The following HIVEP2 variants were observed in gnomAD, a reference collection of about 807,000 sequenced individuals.
HIVEP2 encodes the protein transcription factor HIVEP2.
A neutral mutation model predicts 180.7 loss-of-function variants in HIVEP2; 14 were observed. The ratio of observed to expected loss-of-function variants is 0.08; its 90% confidence interval spans 0.05 to 0.12. The LOEUF is 0.12. Among genes scored for constraint, HIVEP2 ranks in the 10% least tolerant of loss-of-function variants. The pLI is 1.00. For synonymous variants in HIVEP2, 1,184 were observed against 1,136.4 expected (o/e 1.04, Z -0.84); for missense variants, 2,579 against 3,008.5 (o/e 0.86, Z 3.34).
At chr6:142,849,916 G>C (rs1286391023) in intron 1 of HIVEP2, among the ~76,000 whole-genome samples, 1 of 152,130 alleles carries the variant, frequency 6.6e-6, no homozygotes, top group African/African-American at 2.4e-5. Flanking sequence ...TGTGCAAAGG[G>C]GCTGAGAACA....
intron 1 of HIVEP2, among the ~76,000 whole-genome samples, chr6:142,867,110 G>A (rs6925325): frequency 0.25 from 37,376 of 151,996 alleles, 5,155 homozygotes; most frequent in South Asian, 0.35. Flanking sequence ...GTGTGTGTTA[G>A]TGTGAATATT....
intron 1 of HIVEP2, among the ~76,000 whole-genome samples, chr6:142,838,912 C>A (rs1353681119): frequency 2.0e-5 from 3 of 152,158 alleles, no homozygotes; most frequent in African/African-American, 7.2e-5. Context: ...AGGTTTTTCA[C>A]CTGTATTGCA....
intron 1 of HIVEP2, among the ~76,000 whole-genome samples, chr6:142,911,500 T>C (rs1293538927): frequency 6.6e-6 from 1 of 152,206 alleles, no homozygotes; most frequent in Non-Finnish European, 1.5e-5. Flanking sequence ...TTTATAAACA[T>C]ATATTATCTT....
intron 2 of HIVEP2, among the ~76,000 whole-genome samples, chr6:142,798,411 A>C (rs1251251342): frequency 6.6e-6 from 1 of 152,118 alleles, no homozygotes; most frequent in Non-Finnish European, 1.5e-5. Flanking sequence ...TTTGCTTTAG[A>C]TAGTTCCTGT....
chr6:142,927,028 G>GCGGC (rs1777834730), intron 1 of HIVEP2, among the ~76,000 whole-genome samples: 1 of 151,142 alleles, frequency 6.6e-6, no homozygotes, highest in Non-Finnish European at 1.5e-5. Flanking sequence ...CGCGGGGCGG[G>GCGGC]CGGCCAGGGC....
At chr6:142,813,577 T>C (rs1776751268) in intron 2 of HIVEP2, among the ~76,000 whole-genome samples, 1 of 150,630 alleles carries the variant, frequency 6.6e-6, no homozygotes, top group South Asian at 2.1e-4. Context: ...TTCAGAGTTT[T>C]TTTTTTTTTT....
At chr6:142,918,335 C>G (rs184778148) in intron 1 of HIVEP2, among the ~76,000 whole-genome samples, 1 of 152,230 alleles carries the variant, frequency 6.6e-6, no homozygotes, top group Non-Finnish European at 1.5e-5. Flanking sequence ...CCTGAGCCAT[C>G]GCTCACAGCC....
chr6:142,914,044 C>T (rs1464873526), intron 1 of HIVEP2, among the ~76,000 whole-genome samples: 2 of 151,918 alleles, frequency 1.3e-5, no homozygotes, highest in Non-Finnish European at 2.9e-5. Context: ...TTGGAGATTG[C>T]AGTCATAGTA....
intron 7 of HIVEP2, among the ~76,000 whole-genome samples, chr6:142,762,468 A>G (rs1210257495): frequency 2.1e-5 from 1 of 47,232 alleles, no homozygotes; most frequent in Non-Finnish European, 4.2e-5. Flanking sequence ...ACACACACAC[A>G]CACACACACA....
intron 2 of HIVEP2, among the ~76,000 whole-genome samples, chr6:142,822,811 T>C (rs1777075471): frequency 6.6e-6 from 1 of 152,176 alleles, no homozygotes; most frequent in Non-Finnish European, 1.5e-5. Context: ...TAGAAGTGTC[T>C]TTCCTCATCC....
upstream of HIVEP2, among the ~76,000 whole-genome samples, chr6:142,945,592 G>A (rs1042100992): frequency 3.3e-5 from 5 of 152,192 alleles, no homozygotes; most frequent in African/African-American, 9.7e-5. This position sits in a 1 kb window ranked among gnomAD's most constrained non-coding sequence, Gnocchi z 5.5. Context: ...GACGCGAGAC[G>A]TGGAGGAACG....
rs144891138 is a variant in HIVEP2, at chr6:142,890,326, T to A, written c.-640-53279A>T. Among the ~76,000 whole-genome samples, 3 of 152,352 alleles carry A rather than the reference T, an allele frequency of 2.0e-5. No homozygotes were observed. The East Asian group carries it at 5.8e-4, about 29-fold the overall frequency. On this transcript the variant is annotated intron_variant, in intron 1 of 9. Transcript: ENST00000367603. ...AAATAAGCTCCTCCAAAACTTTGTA[T>A]CTTTACAAAGTTAACGCAATTCAGC...
At chr6:142,893,641 T>C (rs1438952971) in intron 1 of HIVEP2, among the ~76,000 whole-genome samples, 2 of 152,188 alleles carry the variant, frequency 1.3e-5, no homozygotes, top group South Asian at 2.1e-4. Context: ...TTTCTCTCAA[T>C]CAAGAAATAG....
chr6:142,837,280 A>G (rs1173237823), intron 1 of HIVEP2, among the ~76,000 whole-genome samples: 3 of 152,178 alleles, frequency 2.0e-5, no homozygotes, highest in Non-Finnish European at 4.4e-5. Flanking sequence ...AGAATACAAC[A>G]AAGTGTGAGA....
chr6:142,838,036 C>T (rs1181697726), intron 1 of HIVEP2, among the ~76,000 whole-genome samples: 1 of 151,984 alleles, frequency 6.6e-6, no homozygotes, highest in Non-Finnish European at 1.5e-5. Context: ...GCCACTCCCC[C>T]AAACCCACTA....
intron 1 of HIVEP2, among the ~76,000 whole-genome samples, chr6:142,857,669 G>C (rs1775857793): frequency 6.6e-6 from 1 of 152,192 alleles, no homozygotes; most frequent in Non-Finnish European, 1.5e-5. Flanking sequence ...CAGAGTGTGG[G>C]TATTGCTATT....
intron 2 of HIVEP2, among the ~76,000 whole-genome samples, chr6:142,801,380 G>A (rs986840642): frequency 7.0e-6 from 1 of 142,076 alleles, no homozygotes; most frequent in Non-Finnish European, 1.5e-5. Context: ...TGCCACTGCA[G>A]TCCAGCCTGG....
At chr6:142,931,296 T>C (rs904688917) in intron 1 of HIVEP2, among the ~76,000 whole-genome samples, 19 of 151,564 alleles carry the variant, frequency 1.3e-4, no homozygotes, top group African/African-American at 2.9e-4. Flanking sequence ...TGCCTTACAG[T>C]ATGCTATATA....
In HIVEP2 at chr6:142,756,744, G is replaced by A. The variant is rs142759659; in HGVS notation, c.6517-2813C>T. Among the ~76,000 whole-genome samples, 79 of 151,482 alleles carry A rather than the reference G, an allele frequency of 5.2e-4. 1 individual carries two copies. The East Asian group carries it at 0.012, about 24-fold the overall frequency. On this transcript the variant is annotated intron_variant, in intron 9 of 9. Transcript: ENST00000367603. Reference sequence around the variant, plus strand: ...TTTCATCCTCAACCTCGAACCATGCGTAGTAGACCCTCAAAAATTCAGTAG... The same window carrying A: ...TTTCATCCTCAACCTCGAACCATGCATAGTAGACCCTCAAAAATTCAGTAG...
Sources: allele counts gnomAD v4.1 joint callset (sites outside exome capture counted in the v4.1 genomes callset), GRCh38; gene constraint gnomAD v4.1.1; non-coding constraint Gnocchi (gnomAD v3.1); transcripts MANE v1.5; gene names NCBI Gene and HGNC (gene_info 2026-07-23, HGNC 2026-07-21).